NSD2: variants seen among roughly 807,000 people sequenced by gnomAD.
NSD2 encodes the protein histone-lysine N-methyltransferase NSD2.
Under a neutral mutation model 139.0 loss-of-function variants are expected in NSD2, and 12 were observed. The ratio of observed to expected loss-of-function variants is 0.09; its 90% CI spans 0.06 to 0.14. NSD2 has a LOEUF of 0.14. NSD2 is among the 10% of genes least tolerant of loss of function. NSD2 has a pLI of 1.00. For synonymous variants in NSD2, 669 were observed against 648.7 expected (o/e 1.03, Z -0.48); for missense variants, 1,155 against 1,745.0 (o/e 0.66, Z 6.02).
intron 6 of NSD2, among the ~76,000 whole-genome samples, chr4:1,934,847 TAAAAAAAAAAAAA>T (rs34096276): frequency 9.7e-5 from 2 of 20,702 alleles, no homozygotes; most frequent in African/African-American, 1.9e-4. Context: ...GACTCCATCT[TAAAAAAAAAAAAA>T]AAAAAAAAAA....
intron 1 of NSD2, among the ~76,000 whole-genome samples, chr4:1,873,778 T>C (rs1436615174): frequency 7.6e-6 from 1 of 131,644 alleles, no homozygotes; most frequent in East Asian, 2.6e-4. Flanking sequence ...AGGATTCTCT[T>C]TACCAAGCAA....
chr4:1,943,957 A>G lies in NSD2; in HGVS notation c.1881+4179A>G, dbSNP rs1299134113. On this transcript the variant is annotated intron_variant, in intron 9 of 21. Coordinates refer to ENST00000508803, the MANE Select transcript of NSD2 (RefSeq NM_001042424.3). The stretch of plus-strand genomic sequence containing the variant: ...CAGCCAGCGCATAGGTGCTCCCTCT[A>G]TATTATGGAGAAAGCAAAACCCTGC... The G allele has an allele frequency of 9.4e-6, 10 of 1,064,352 alleles. No homozygotes were observed. The African/African-American group carries it at 9.8e-5, about 10-fold the overall frequency. 65.9% of individuals were successfully genotyped at this position (1,064,352 alleles called of 1,614,324 possible).
chr4:1,900,545 C>T, intron 1 of NSD2, 81 bp from the exon 2 acceptor site: 2 of 889,136 alleles, frequency 2.2e-6, no homozygotes, highest in Non-Finnish European at 3.3e-6. Flanking sequence ...CCCCACAAAG[C>T]TGTAGAGGTC....
intron 20 of NSD2, chr4:1,975,663 C>T (rs1560813850): frequency 2.4e-6 from 1 of 410,612 alleles, no homozygotes; most frequent in Non-Finnish European, 4.4e-6. Flanking sequence ...GTGGGCAGGG[C>T]CGTGCGCCCT....
At chr4:1,897,623 T>A (rs890771236) in intron 1 of NSD2, among the ~76,000 whole-genome samples, 8 of 152,022 alleles carry the variant, frequency 5.3e-5, no homozygotes, top group African/African-American at 7.3e-5. Flanking sequence ...CTACAAAAAA[T>A]TTTATTTTTA....
chr4:1,941,837 G>A (rs1462958906), intron 9 of NSD2: 37 of 1,054,614 alleles, frequency 3.5e-5, no homozygotes, highest in South Asian at 2.3e-4. Context: ...ATATTAACGC[G>A]ACTGAACTAC....
intron 9 of NSD2, chr4:1,941,715 T>G (rs1723117264): frequency 9.6e-7 from 1 of 1,046,758 alleles, no homozygotes; most frequent in Middle Eastern, 4.3e-4. Flanking sequence ...TTACTGGGTC[T>G]TTTCCATTAA....
At chr4:1,888,943 G>C (rs909111511) in intron 1 of NSD2, among the ~76,000 whole-genome samples, 5 of 150,594 alleles carry the variant, frequency 3.3e-5, no homozygotes. Context: ...TGTTGGCCAG[G>C]GTGGAGTGCA....
chr4:1,945,309 A>G lies in NSD2; in HGVS notation c.1881+5531A>G, dbSNP rs945468820. 3.1e-5 allele frequency: 33 copies of G among 1,065,886 alleles called. No homozygotes were observed. The African/African-American group carries it at 5.2e-4, about 17-fold the overall frequency. 66.0% of individuals were successfully genotyped at this position (1,065,886 alleles called of 1,614,324 possible). Reference sequence around the variant, plus strand: ...CTGAGCACACCACAGGAAAGGAGGGAGGATGCTGTGTGAGAGCCATGCTGT... The same window carrying G: ...CTGAGCACACCACAGGAAAGGAGGGGGGATGCTGTGTGAGAGCCATGCTGT... On this transcript the variant is annotated intron_variant, in intron 9 of 21. Coordinates refer to ENST00000508803, the MANE Select transcript of NSD2 (RefSeq NM_001042424.3).
In NSD2 at chr4:1,958,838, T is replaced by G. The variant is rs1725088973; in HGVS notation, c.2986-633T>G. Among the ~76,000 whole-genome samples the G allele has an allele frequency of 1.3e-5, 2 of 152,390 alleles. No homozygotes were observed. Among genetic ancestry groups the G allele is most frequent in the South Asian group, 4.1e-4 (2 of 4,832 alleles). On this transcript the variant is annotated intron_variant, in intron 16 of 21. Transcript: ENST00000508803. This position sits in a 1 kb window ranked among gnomAD's most constrained non-coding sequence, Gnocchi z 4.6. ...AGATTGTTCTCCAAAATGTACAGTTTGTCATACCACAGCAGTGAAAAGAGT... is the reference window on the plus strand; with the variant it reads ...AGATTGTTCTCCAAAATGTACAGTTGGTCATACCACAGCAGTGAAAAGAGT...
intron 9 of NSD2, chr4:1,941,419 GA>G: frequency 1.9e-6 from 2 of 1,048,646 alleles, no homozygotes; most frequent in Non-Finnish European, 2.3e-6. Flanking sequence ...CTTTGATTTA[GA>G]GTAATGCATG....
chr4:1,878,037 TAAAATTTAA>T (rs1560542471), intron 1 of NSD2, among the ~76,000 whole-genome samples: 5 of 151,018 alleles, frequency 3.3e-5, no homozygotes, highest in Non-Finnish European at 5.9e-5. Flanking sequence ...AAAAGAAAAA[TAAAATTTAA>T]AAAAAGTATT....
intron 2 of NSD2, among the ~76,000 whole-genome samples, chr4:1,902,163 T>G (rs975440558): frequency 1.2e-4 from 18 of 152,188 alleles, no homozygotes; most frequent in African/African-American, 3.9e-4. Context: ...AAAAACGTTT[T>G]TTGATTACTC....
At chr4:1,876,819 TTGA>T (rs1714297581) in intron 1 of NSD2, among the ~76,000 whole-genome samples, 2 of 151,512 alleles carry the variant, frequency 1.3e-5, no homozygotes, top group East Asian at 3.9e-4. Context: ...ACTGAGAGAG[TTGA>T]TGATGTGAAT....
At chr4:1,925,191 C>T (rs1490830105) in intron 5 of NSD2, among the ~76,000 whole-genome samples, 1 of 151,984 alleles carries the variant, frequency 6.6e-6, no homozygotes, top group Non-Finnish European at 1.5e-5. Flanking sequence ...TTTTATTTTT[C>T]GGGAGTGCTG....
chr4:1,940,893 T>C (rs1055958683), intron 9 of NSD2: 17 of 1,057,178 alleles, frequency 1.6e-5, no homozygotes, highest in Admixed American at 1.1e-4. Flanking sequence ...CTTGCCACTC[T>C]GAATCCTCAG....
intron 18 of NSD2, among the ~76,000 whole-genome samples, chr4:1,964,983 G>A (rs1307897381): frequency 6.7e-6 from 1 of 148,744 alleles, no homozygotes; most frequent in Non-Finnish European, 1.5e-5. Flanking sequence ...GCAAACCTAG[G>A]GCAAGGGGAG....
rs958496986 is a variant in NSD2, at chr4:1,947,615, C to G, written c.1882-3457C>G. 3 of 1,054,882 alleles carry G rather than the reference C, an allele frequency of 2.8e-6. No homozygotes were observed. In the African/African-American group the frequency reaches 5.0e-5, roughly 17 times the overall value. The allele number at this position is 1,054,882 out of a possible 1,614,324, so 65.3% of individuals were successfully genotyped here. On this transcript the variant is annotated intron_variant, in intron 9 of 21. Coordinates refer to ENST00000508803, the MANE Select transcript of NSD2 (RefSeq NM_001042424.3). ...TTTACTGTGCTGTTAACTTGGAAGA[C>G]CTGTTTGAAATTAGTCTTGATTTCA...
chr4:1,917,751 A>T (rs1025520504), intron 4 of NSD2, among the ~76,000 whole-genome samples: 4 of 151,186 alleles, frequency 2.6e-5, no homozygotes, highest in Non-Finnish European at 5.9e-5. Context: ...TTTTATTTCT[A>T]AAATTATGTG....
Sources: allele counts gnomAD v4.1 joint callset (sites outside exome capture counted in the v4.1 genomes callset), GRCh38; gene constraint gnomAD v4.1.1; non-coding constraint Gnocchi (gnomAD v3.1); transcripts MANE v1.5; gene names NCBI Gene and HGNC (gene_info 2026-07-23, HGNC 2026-07-21).